Variants in ROBO2 observed in about 807,000 individuals in gnomAD.
ROBO2 encodes roundabout homolog 2.
A neutral mutation model predicts 160.8 loss-of-function variants in ROBO2; 53 were observed. The ratio of observed to expected loss-of-function variants is 0.33; its 90% CI spans 0.26 to 0.41. The LOEUF is 0.41. ROBO2 is among the 10% of genes least tolerant of loss of function. The pLI is 1.00. For missense variants in ROBO2, 1,577 were observed against 1,722.4 expected, an observed-to-expected ratio of 0.92 and a Z score of 1.49; for synonymous variants, 664 against 611.7, an observed-to-expected ratio of 1.09 and a Z score of -1.26.
intron 2 of ROBO2, among the ~76,000 whole-genome samples, chr3:76,581,588 T>C (rs1408217430): frequency 1.3e-5 from 2 of 152,078 alleles, no homozygotes; most frequent in African/African-American, 2.4e-5. Context: ...CAGTGAGCTA[T>C]GATCATGACA....
chr3:77,482,710 A>T (rs755919222), intron 4 of ROBO2, among the ~76,000 whole-genome samples: 2 of 152,136 alleles, frequency 1.3e-5, no homozygotes, highest in African/African-American at 2.4e-5. Context: ...GATGTGCTCC[A>T]CTCTGTAATG....
Position 76,946,348 on chromosome 3 carries a change from CCACTCA to C in ROBO2, c.110-151665_110-151660del, listed in dbSNP as rs569365578. Among the ~76,000 whole-genome samples the C allele has an allele frequency of 3.8e-3, 586 of 152,268 alleles. 3 individuals are homozygous for C. Among genetic ancestry groups the C allele is most frequent in the African/African-American group, 0.013 (554 of 41,558 alleles). ...GATTTTCTCACACACGTACTGATTA[CCACTCA>C]GTTGATTACTTGAAAAGGACCCTGT... On this transcript the variant is annotated intron_variant, in intron 2 of 26. Transcript: ENST00000487694.
chr3:77,585,130 T>C (rs925853806), intron 16 of ROBO2, among the ~76,000 whole-genome samples: 4 of 151,360 alleles, frequency 2.6e-5, no homozygotes, highest in African/African-American at 9.7e-5. Context: ...TATTTTCCTT[T>C]CATAGTTTTT....
At position 77,199,694 on chromosome 3, in the gene ROBO2, G is replaced by A. The variant is rs138519203; in HGVS notation, c.388+101354G>A. On this transcript the variant is annotated intron_variant, in intron 2 of 25. Coordinates refer to ENST00000461745, the Ensembl canonical transcript of ROBO2. Reference sequence around the variant, plus strand: ...GTCTGAGTGCAGTGGTACAATTACGGCCCACTGCACCTCAGCCTCCTGTGC... The same window carrying A: ...GTCTGAGTGCAGTGGTACAATTACGACCCACTGCACCTCAGCCTCCTGTGC... 3.6e-4 allele frequency among the ~76,000 whole-genome samples: 53 copies of A among 148,096 alleles called. 2 individuals are homozygous for A. In the East Asian group the frequency reaches 0.01, roughly 29 times the overall value.
intron 6 of ROBO2, among the ~76,000 whole-genome samples, chr3:77,544,907 C>T (rs1181196297): frequency 1.3e-5 from 2 of 152,104 alleles, no homozygotes; most frequent in Non-Finnish European, 2.9e-5. Flanking sequence ...CTTGTGAAAA[C>T]TTCCAATGAT....
chr3:76,272,840 TTATATATTATATATAAA>T (rs1707582485), intron 2 of ROBO2, among the ~76,000 whole-genome samples: 1 of 2,978 alleles, frequency 3.4e-4, no homozygotes, highest in East Asian at 0.013. Context: ...AATATATATA[TTATATATTATATATAAA>T]ATATATAAAA....
intron 6 of ROBO2, among the ~76,000 whole-genome samples, chr3:77,530,164 GA>G (rs1340808900): frequency 1.3e-5 from 2 of 151,756 alleles, no homozygotes; most frequent in African/African-American, 4.8e-5. Flanking sequence ...AGAAAGGGGA[GA>G]AAAAAACAGC....
intron 2 of ROBO2, among the ~76,000 whole-genome samples, chr3:76,598,387 G>T (rs2086880615): frequency 6.6e-6 from 1 of 152,056 alleles, no homozygotes; most frequent in Admixed American, 6.6e-5. Context: ...ATATAATGTG[G>T]TAGTGAATAT....
chr3:76,493,941 G>A (rs2079994162), intron 2 of ROBO2, among the ~76,000 whole-genome samples: 1 of 152,144 alleles, frequency 6.6e-6, no homozygotes, highest in Non-Finnish European at 1.5e-5. Flanking sequence ...ACAAAATTGA[G>A]GGGAAATCTG....
intron 2 of ROBO2, among the ~76,000 whole-genome samples, chr3:76,172,041 C>T (rs1021180248): frequency 6.6e-6 from 1 of 152,080 alleles, no homozygotes; most frequent in African/African-American, 2.4e-5. Context: ...CTAAGTTTTT[C>T]ATATAATGAG....
At chr3:76,883,643 G>A (rs1044671205) in intron 2 of ROBO2, among the ~76,000 whole-genome samples, 3 of 152,138 alleles carry the variant, frequency 2.0e-5, no homozygotes, top group Non-Finnish European at 2.9e-5. Context: ...ATTTCATGCC[G>A]TATGATCTAA....
At position 76,201,522 on chromosome 3, in the gene ROBO2, A is replaced by T. The variant is rs368871124; in HGVS notation, c.109+263920A>T. 2.0e-5 allele frequency among the ~76,000 whole-genome samples: 3 copies of T among 152,310 alleles called. No homozygotes were observed. The East Asian group carries it at 5.8e-4, about 29-fold the overall frequency. On this transcript the variant is annotated intron_variant, in intron 2 of 26. Coordinates refer to the ROBO2 transcript ENST00000487694. The stretch of plus-strand genomic sequence containing the variant: ...TGTCACTAATGTGCCATCATTGTTG[A>T]ACTATGTCCCTGTGGCCATTGTAAA...
chr3:77,279,791 T>A (rs946867908), intron 2 of ROBO2, among the ~76,000 whole-genome samples: 1 of 152,140 alleles, frequency 6.6e-6, no homozygotes, highest in Non-Finnish European at 1.5e-5. Context: ...CCTACCAAAG[T>A]GTATAATGTG....
chr3:77,557,494 A>T (rs1175841025), intron 8 of ROBO2, among the ~76,000 whole-genome samples: 1 of 152,000 alleles, frequency 6.6e-6, no homozygotes, highest in African/African-American at 2.4e-5. Flanking sequence ...TATATTTATG[A>T]TAAATGCAAA....
chr3:76,384,333 G>T (rs2076779101), intron 2 of ROBO2, among the ~76,000 whole-genome samples: 1 of 152,072 alleles, frequency 6.6e-6, no homozygotes, highest in Non-Finnish European at 1.5e-5. Context: ...GCACATACTT[G>T]ATTTACTGGG....
chr3:76,896,437 G>A (rs114335940), intron 2 of ROBO2, among the ~76,000 whole-genome samples: 2 of 151,994 alleles, frequency 1.3e-5, no homozygotes, highest in Admixed American at 6.6e-5. Context: ...CTTAAATCCT[G>A]CATTTAATGC....
intron 2 of ROBO2, among the ~76,000 whole-genome samples, chr3:76,433,582 T>C (rs2076534642): frequency 6.6e-6 from 1 of 152,194 alleles, no homozygotes. Flanking sequence ...GTAAAGTAGG[T>C]CACATTTATA....
intron 2 of ROBO2, among the ~76,000 whole-genome samples, chr3:76,219,712 C>G (rs551276485): frequency 7.8e-4 from 119 of 152,270 alleles, no homozygotes; most frequent in Non-Finnish European, 1.2e-3. Flanking sequence ...AATAGGAACA[C>G]TTTTACACTG....
At chr3:76,481,029 C>A (rs926347318) in intron 2 of ROBO2, among the ~76,000 whole-genome samples, 1 of 152,118 alleles carries the variant, frequency 6.6e-6, no homozygotes, top group Non-Finnish European at 1.5e-5. Context: ...TTGTTCAGTG[C>A]TGTGTGCCTA....
Sources: gnomAD v4.1 joint callset for allele counts (sites outside exome capture counted in the v4.1 genomes callset) on GRCh38, gnomAD v4.1.1 for gene constraint, MANE v1.5 for transcripts, NCBI Gene and HGNC (gene_info 2026-07-23, HGNC 2026-07-21) for gene names.